Variants in MIS18A observed in about 807,000 individuals in gnomAD.
MIS18A encodes the protein MIS18 kinetochore protein A, also known as protein Mis18-alpha.
In MIS18A, 14 loss-of-function variants were observed where a neutral mutation model predicts 25.0. That is an observed-to-expected ratio of 0.56 (90% CI 0.37 to 0.88). MIS18A has a LOEUF of 0.88. Ranked by LOEUF, MIS18A falls within the 40% of genes least tolerant of loss-of-function variation. The probability of loss-of-function intolerance (pLI) is 0.00; values close to 1 mark genes in which losing one functional copy is unlikely to be tolerated. For missense variants in MIS18A, 292 were observed against 290.8 expected (o/e 1.00, Z -0.03); for synonymous variants, 134 against 118.6 (o/e 1.13, Z -0.84).
At chr21:32,220,435 T>C in the MIS18A span, among the ~76,000 whole-genome samples, 1 of 151,864 alleles carries the variant, frequency 6.6e-6, no homozygotes, top group Non-Finnish European at 1.5e-5. Context: ...AGCATCAACA[T>C]CAACAAAAAG....
At chr21:32,167,347 TGATATA>T in the MIS18A span, among the ~76,000 whole-genome samples, 6,312 of 152,228 alleles carry the variant, frequency 0.041, 421 homozygotes, top group African/African-American at 0.14. Context: ...TGAAATTATC[TGATATA>T]GATTTTAAAA....
the MIS18A span, among the ~76,000 whole-genome samples, chr21:32,254,386 C>A: frequency 6.6e-6 from 1 of 151,798 alleles, no homozygotes; most frequent in East Asian, 1.9e-4. Context: ...AAGAAATTAG[C>A]CAGGTGTGGT....
chr21:32,156,271 C>T, the MIS18A span: 1 of 152,114 alleles, frequency 6.6e-6, no homozygotes. Context: ...TTTATGTAAA[C>T]CATTTTTATT....
chr21:32,210,402 T>C, the MIS18A span, among the ~76,000 whole-genome samples: 2 of 152,316 alleles, frequency 1.3e-5, no homozygotes, highest in East Asian at 3.9e-4. Context: ...CACACTTGGA[T>C]ACCTAGAGAG....
chr21:32,258,634 GACT>G, the MIS18A span, among the ~76,000 whole-genome samples: 1 of 152,122 alleles, frequency 6.6e-6, no homozygotes, highest in African/African-American at 2.4e-5. Context: ...CTGAAAAAAT[GACT>G]ACGGTACTCA....
the MIS18A span, among the ~76,000 whole-genome samples, chr21:32,191,839 A>T: frequency 2.6e-4 from 39 of 152,168 alleles, no homozygotes; most frequent in Non-Finnish European, 7.4e-5. Flanking sequence ...CGGGAGGTGG[A>T]GGTTGCAGTG....
chr21:32,278,552 T>G, intron 1 of MIS18A, 129 bp downstream of exon 1: 1 of 1,010,886 alleles, frequency 9.9e-7, no homozygotes, highest in Non-Finnish European at 1.4e-6. Flanking sequence ...GCTCACACTC[T>G]CAGACTTTTT....
At chr21:32,257,249 A>G in the MIS18A span, among the ~76,000 whole-genome samples, 1 of 152,260 alleles carries the variant, frequency 6.6e-6, no homozygotes, top group Non-Finnish European at 1.5e-5. Context: ...GAGTAACTCA[A>G]ATGATGGCAA....
chr21:32,192,267 A>G, the MIS18A span, among the ~76,000 whole-genome samples: 1 of 152,192 alleles, frequency 6.6e-6, no homozygotes, highest in Non-Finnish European at 1.5e-5. Flanking sequence ...AAATGCCATC[A>G]CAGGGACCCT....
the MIS18A span, among the ~76,000 whole-genome samples, chr21:32,231,101 G>A: frequency 6.6e-6 from 1 of 151,888 alleles, no homozygotes; most frequent in Non-Finnish European, 1.5e-5. Context: ...GCCAGGCATG[G>A]TGGTGCACAC....
the MIS18A span, among the ~76,000 whole-genome samples, chr21:32,223,551 C>T: frequency 6.6e-6 from 1 of 152,238 alleles, no homozygotes; most frequent in South Asian, 2.1e-4. Context: ...AATTCCTGGG[C>T]ACATACACCC....
At chr21:32,252,065 A>C in the MIS18A span, among the ~76,000 whole-genome samples, 1 of 152,184 alleles carries the variant, frequency 6.6e-6, no homozygotes, top group East Asian at 1.9e-4. Flanking sequence ...ATGTGCCTGT[A>C]GTCCCAGCTA....
At chr21:32,202,349 T>C in the MIS18A span, among the ~76,000 whole-genome samples, 2 of 151,934 alleles carry the variant, frequency 1.3e-5, no homozygotes, top group African/African-American at 2.4e-5. Context: ...GAAATTTGTT[T>C]TAAACTTCAA....
At chr21:32,245,075 C>T in the MIS18A span, among the ~76,000 whole-genome samples, 11 of 152,184 alleles carry the variant, frequency 7.2e-5, no homozygotes, top group Non-Finnish European at 1.6e-4. Flanking sequence ...TAATGCACAT[C>T]GTTCTCAACA....
chr21:32,202,116 T>C, the MIS18A span, among the ~76,000 whole-genome samples: 1 of 151,698 alleles, frequency 6.6e-6, no homozygotes, highest in Non-Finnish European at 1.5e-5. Context: ...TGGCGAGACG[T>C]TGTCTCTACA....
the MIS18A span, among the ~76,000 whole-genome samples, chr21:32,228,490 A>G: frequency 6.6e-6 from 1 of 152,158 alleles, no homozygotes; most frequent in African/African-American, 2.4e-5. Flanking sequence ...TTAGTGGGAG[A>G]TTCTAGCCAG....
the MIS18A span, among the ~76,000 whole-genome samples, chr21:32,187,928 T>A: frequency 1.3e-5 from 2 of 152,162 alleles, no homozygotes; most frequent in East Asian, 3.9e-4. Flanking sequence ...TAGGTTTAGA[T>A]GAGGTCATGA....
chr21:32,168,388 T>C, the MIS18A span, among the ~76,000 whole-genome samples: 1 of 152,090 alleles, frequency 6.6e-6, no homozygotes, highest in South Asian at 2.1e-4. Flanking sequence ...CCAATAAAAA[T>C]GAGAAAGAAA....
chr21:32,176,803 G>C, the MIS18A span, among the ~76,000 whole-genome samples: 4 of 113,788 alleles, frequency 3.5e-5, no homozygotes, highest in African/African-American at 1.4e-4. Context: ...CAAAAATCAA[G>C]TGAAAAAAAA....
Sources: allele counts gnomAD v4.1 joint callset (sites outside exome capture counted in the v4.1 genomes callset), GRCh38; gene constraint gnomAD v4.1.1; transcripts MANE v1.5; gene names NCBI Gene and HGNC (gene_info 2026-07-23, HGNC 2026-07-21).